The following PGCKA1 variants were observed in gnomAD, a reference collection of about 807,000 sequenced individuals.
PGCKA1 encodes the protein PDCD10 and GCKIII kinases associated 1.
the PGCKA1 span, among the ~76,000 whole-genome samples, chr4:37,583,262 C>T: frequency 2.0e-5 from 3 of 152,106 alleles, no homozygotes; most frequent in East Asian, 5.8e-4. Context: ...CCTATATGCC[C>T]TTGACTTCCT....
the PGCKA1 span, among the ~76,000 whole-genome samples, chr4:37,514,995 G>A: frequency 0.51 from 77,764 of 151,648 alleles, 20,288 homozygotes; most frequent in African/African-American, 0.6. Context: ...AGAACACTTC[G>A]TGTCACTTTT....
the PGCKA1 span, among the ~76,000 whole-genome samples, chr4:37,555,229 C>T: frequency 6.6e-6 from 1 of 152,188 alleles, no homozygotes; most frequent in Non-Finnish European, 1.5e-5. Context: ...GTTCTGTTCC[C>T]CTTTCATACT....
At chr4:37,519,577 C>T in the PGCKA1 span, among the ~76,000 whole-genome samples, 10 of 152,188 alleles carry the variant, frequency 6.6e-5, no homozygotes, top group Admixed American at 1.3e-4. Flanking sequence ...TCACTGTTGG[C>T]GTATGAAAAT....
chr4:37,491,055 C>G, the PGCKA1 span, among the ~76,000 whole-genome samples: 8 of 152,254 alleles, frequency 5.3e-5, no homozygotes, highest in East Asian at 1.4e-3. Flanking sequence ...AAGTTATATA[C>G]TAGAATATAA....
the PGCKA1 span, among the ~76,000 whole-genome samples, chr4:37,511,325 A>G: frequency 2.0e-5 from 3 of 152,000 alleles, no homozygotes; most frequent in Non-Finnish European, 2.9e-5. Context: ...ACCTGATACC[A>G]GTATGTCTGA....
At chr4:37,511,583 C>CTG in the PGCKA1 span, among the ~76,000 whole-genome samples, 5 of 151,532 alleles carry the variant, frequency 3.3e-5, no homozygotes, top group Non-Finnish European at 5.9e-5. Flanking sequence ...AGATGCAAGA[C>CTG]AGTTGTCCTT....
the PGCKA1 span, among the ~76,000 whole-genome samples, chr4:37,565,402 C>T: frequency 3.9e-5 from 6 of 152,128 alleles, no homozygotes; most frequent in Admixed American, 2.6e-4. Flanking sequence ...GCTCACAACA[C>T]GGGCAGCCTC....
chr4:37,566,616 C>T, the PGCKA1 span, among the ~76,000 whole-genome samples: 45 of 152,022 alleles, frequency 3.0e-4, no homozygotes, highest in Non-Finnish European at 3.8e-4. Flanking sequence ...CAGAGCCTTG[C>T]TCCATTGGCC....
chr4:37,575,374 T>C, the PGCKA1 span, among the ~76,000 whole-genome samples: 1 of 152,198 alleles, frequency 6.6e-6, no homozygotes, highest in Non-Finnish European at 1.5e-5. Context: ...TTTCCTATAC[T>C]GTTTGCCATT....
chr4:37,551,271 C>T, the PGCKA1 span, among the ~76,000 whole-genome samples: 3 of 144,676 alleles, frequency 2.1e-5, no homozygotes, highest in South Asian at 4.3e-4. Context: ...CTGGGTTTCC[C>T]TGTCTATGCT....
the PGCKA1 span, among the ~76,000 whole-genome samples, chr4:37,497,329 C>T: frequency 2.0e-5 from 3 of 152,102 alleles, no homozygotes; most frequent in Admixed American, 1.3e-4. Flanking sequence ...CTTATCCACT[C>T]GTTGATTGAT....
the PGCKA1 span, among the ~76,000 whole-genome samples, chr4:37,576,310 A>G: frequency 6.6e-6 from 1 of 152,078 alleles, no homozygotes; most frequent in Admixed American, 6.5e-5. Context: ...TTTTTTGGTT[A>G]ATTGCTAGGT....
the PGCKA1 span, among the ~76,000 whole-genome samples, chr4:37,490,128 C>T: frequency 6.6e-6 from 1 of 151,994 alleles, no homozygotes; most frequent in Non-Finnish European, 1.5e-5. Flanking sequence ...GTAATTGAAA[C>T]TCAATTTTCA....
chr4:37,588,127 G>C, the PGCKA1 span: 3 of 152,254 alleles, frequency 2.0e-5, no homozygotes, highest in Admixed American at 2.0e-4. Context: ...GGAAATGATG[G>C]GGAAAAGCCC....
the PGCKA1 span, among the ~76,000 whole-genome samples, chr4:37,521,496 A>C: frequency 6.6e-6 from 1 of 152,248 alleles, no homozygotes; most frequent in African/African-American, 2.4e-5. Context: ...TATAGTTTCC[A>C]AAATTGCTCT....
At chr4:37,461,881 G>C in the PGCKA1 span, among the ~76,000 whole-genome samples, 3 of 152,112 alleles carry the variant, frequency 2.0e-5, no homozygotes, top group East Asian at 5.8e-4. Flanking sequence ...GCATTTCAAA[G>C]CACCTTCCAT....
At chr4:37,549,851 C>T in the PGCKA1 span, among the ~76,000 whole-genome samples, 1 of 152,098 alleles carries the variant, frequency 6.6e-6, no homozygotes, top group Admixed American at 6.5e-5. Context: ...AGACAGCAAG[C>T]CCTGCTCCAG....
chr4:37,557,071 A>G, the PGCKA1 span, among the ~76,000 whole-genome samples: 1 of 152,246 alleles, frequency 6.6e-6, no homozygotes, highest in Non-Finnish European at 1.5e-5. Flanking sequence ...GAGTGGAATA[A>G]GAGCCTTTCT....
the PGCKA1 span, among the ~76,000 whole-genome samples, chr4:37,593,510 A>C: frequency 6.6e-6 from 1 of 151,622 alleles, no homozygotes; most frequent in South Asian, 2.1e-4. Flanking sequence ...TAAAAACCCC[A>C]CTCACTCTCT....
Sources: allele counts gnomAD v4.1 joint callset (sites outside exome capture counted in the v4.1 genomes callset), GRCh38; gene constraint gnomAD v4.1.1; transcripts MANE v1.5; gene names NCBI Gene and HGNC (gene_info 2026-07-23, HGNC 2026-07-21).